Variants in EGFLAM observed in about 807,000 individuals in gnomAD.
EGFLAM encodes pikachurin.
A neutral mutation model predicts 113.1 loss-of-function variants in EGFLAM; 79 were observed. The observed-to-expected ratio is 0.70, with a 90% CI of 0.58 to 0.84. The LOEUF is 0.84. Among genes scored for constraint, EGFLAM ranks in the 40% least tolerant of loss-of-function variants. The probability of loss-of-function intolerance (pLI) is 0.00; values close to 1 mark genes in which losing one functional copy is unlikely to be tolerated. For missense variants in EGFLAM, 1,265 were observed against 1,291.6 expected (o/e 0.98, Z 0.32); for synonymous variants, 504 against 487.6 (o/e 1.03, Z -0.44).
At position 38,450,813 on chromosome 5, in the gene EGFLAM, G is replaced by C; in HGVS notation, c.2544-502G>C. Among the ~76,000 whole-genome samples, 5 of 130,466 alleles carry C rather than the reference G, an allele frequency of 3.8e-5. 1 individual carries two copies. In the South Asian group the frequency reaches 1.0e-3, roughly 27 times the overall value. 85.6% of individuals were successfully genotyped at this position (130,466 alleles called of 152,430 possible). A position where few individuals can be genotyped will look rare whatever the true frequency, so the allele number is the denominator to read the frequency against. On this transcript the variant is annotated intron_variant, in intron 18 of 21. Transcript: ENST00000322350. ...CACCACTCCAGACCATTCACTATCA[G>C]GCCTTGTTCCTTTGTCTGAGACGCC... is the stretch of plus-strand genomic sequence containing the variant.
chr5:38,394,326 G>T (rs1222989115), intron 6 of EGFLAM, among the ~76,000 whole-genome samples: 1 of 151,944 alleles, frequency 6.6e-6, no homozygotes, highest in Non-Finnish European at 1.5e-5. Flanking sequence ...TATCAATAGG[G>T]CCTTGGCAGC....
rs545915687 is a variant in EGFLAM at position 38,402,744 on chromosome 5, G to A, written c.713-3382G>A. Among the ~76,000 whole-genome samples the A allele has an allele frequency of 2.1e-3, 315 of 152,320 alleles. 1 individual carries two copies. Among genetic ancestry groups the A allele is most frequent in the Non-Finnish European group, 3.5e-3 (237 of 68,036 alleles). ...AGCACCCAATAGTACCTGATAAGAA[G>A]AGGAGATGGAGTAGAATTCAATAAA... On this transcript the variant is annotated intron_variant, in intron 6 of 21. Transcript: ENST00000322350.
intron 1 of EGFLAM, among the ~76,000 whole-genome samples, chr5:38,287,291 C>G (rs374207702): frequency 6.6e-6 from 1 of 152,152 alleles, no homozygotes; most frequent in Admixed American, 6.5e-5. Flanking sequence ...TGGTTTATGG[C>G]ATATAATGCT....
intron 1 of EGFLAM, among the ~76,000 whole-genome samples, chr5:38,279,856 G>A (rs1466780250): frequency 6.6e-6 from 1 of 152,026 alleles, no homozygotes; most frequent in East Asian, 1.9e-4. Flanking sequence ...AAAATGCTAA[G>A]AGTAGATGTT....
chr5:38,427,455 C>T (rs895567378), intron 14 of EGFLAM: 31 of 756,162 alleles, frequency 4.1e-5, no homozygotes, highest in Non-Finnish European at 6.2e-5. Flanking sequence ...ACAAGGCTTC[C>T]TTTTCTCAAA....
chr5:38,425,414 G>A (rs187163372), intron 13 of EGFLAM, among the ~76,000 whole-genome samples: 128 of 152,162 alleles, frequency 8.4e-4, no homozygotes, highest in African/African-American at 2.6e-3. Context: ...TGATCCACCC[G>A]CCTCGGCCTC....
intron 12 of EGFLAM, among the ~76,000 whole-genome samples, chr5:38,424,492 C>T (rs984421799): frequency 1.3e-5 from 2 of 152,200 alleles, no homozygotes; most frequent in Non-Finnish European, 2.9e-5. Context: ...CTGGGTAACT[C>T]CTTCTGTGCC....
At chr5:38,314,069 T>C (rs1349111431) in intron 1 of EGFLAM, among the ~76,000 whole-genome samples, 2 of 152,216 alleles carry the variant, frequency 1.3e-5, no homozygotes, top group African/African-American at 2.4e-5. Flanking sequence ...CTGGGGTGAA[T>C]GGGTGTGAAT....
intron 1 of EGFLAM, among the ~76,000 whole-genome samples, chr5:38,297,829 T>A (rs537765535): frequency 3.9e-5 from 6 of 152,266 alleles, no homozygotes; most frequent in African/African-American, 1.4e-4. Context: ...TGAAAACCTC[T>A]CACCAAAGAT....
intron 6 of EGFLAM, among the ~76,000 whole-genome samples, chr5:38,391,120 T>C (rs542673855): frequency 1.2e-4 from 18 of 152,304 alleles, no homozygotes; most frequent in Admixed American, 1.1e-3. Context: ...AAAATTTTGC[T>C]TTTCATATTT....
At chr5:38,410,705 A>G (rs992352577) in intron 10 of EGFLAM, among the ~76,000 whole-genome samples, 1 of 152,140 alleles carries the variant, frequency 6.6e-6, no homozygotes. Flanking sequence ...GATAAAAACA[A>G]GAATAATGCA....
intron 1 of EGFLAM, among the ~76,000 whole-genome samples, chr5:38,295,127 G>T (rs55738332): frequency 6.6e-6 from 1 of 151,976 alleles, no homozygotes; most frequent in Non-Finnish European, 1.5e-5. Context: ...GCGCCTGGCC[G>T]CAACTCATTC....
chr5:38,436,089 T>C (rs1370758015), intron 16 of EGFLAM, among the ~76,000 whole-genome samples: 2 of 152,142 alleles, frequency 1.3e-5, no homozygotes, highest in African/African-American at 2.4e-5. Flanking sequence ...GTGCTGAGAT[T>C]ACAGGCATGA....
At chr5:38,414,012 G>A (rs1205642397) in intron 11 of EGFLAM, among the ~76,000 whole-genome samples, 1 of 152,136 alleles carries the variant, frequency 6.6e-6, no homozygotes, top group Admixed American at 6.5e-5. Context: ...CGCTCACCCC[G>A]CCACTCACCT....
chr5:38,435,806 C>CTTTT (rs60461690), intron 16 of EGFLAM, among the ~76,000 whole-genome samples: 92 of 88,924 alleles, frequency 1.0e-3, no homozygotes, highest in Non-Finnish European at 1.4e-3. Flanking sequence ...CCGGCTCTCT[C>CTTTT]TTTTTTTTTT....
chr5:38,451,228 TC>T, intron 18 of EGFLAM, 86 bp from the exon 19 acceptor site: 1 of 1,542,676 alleles, frequency 6.5e-7, no homozygotes, highest in Non-Finnish European at 8.8e-7. Flanking sequence ...TACATCTGGT[TC>T]CTCAGGGCTG....
At chr5:38,405,412 T>G (rs1741252465) in intron 6 of EGFLAM, among the ~76,000 whole-genome samples, 1 of 151,990 alleles carries the variant, frequency 6.6e-6, no homozygotes, top group Non-Finnish European at 1.5e-5. Flanking sequence ...TGCTGTTGTC[T>G]TTTATATTAA....
chr5:38,419,918 C>T lies in EGFLAM; in HGVS notation c.1684+1663C>T, dbSNP rs150373781. Among the ~76,000 whole-genome samples the T allele has an allele frequency of 1.3e-3, 201 of 152,034 alleles. No individual in the cohort carries two copies. The East Asian group carries it at 0.034, about 25-fold the overall frequency. Reference sequence around the variant, plus strand: ...GGCACACCCATGTAATCCCAGCTACCCAGAAGACTGAGGCAGGAGAATTGC... The same window carrying T: ...GGCACACCCATGTAATCCCAGCTACTCAGAAGACTGAGGCAGGAGAATTGC... On this transcript the variant is annotated intron_variant, in intron 12 of 21. Transcript: ENST00000322350.
chr5:38,270,941 T>C (rs1415980140), intron 1 of EGFLAM, among the ~76,000 whole-genome samples: 1 of 152,208 alleles, frequency 6.6e-6, no homozygotes, highest in African/African-American at 2.4e-5. Flanking sequence ...TTGACATAAA[T>C]GTATAATTGA....
Sources: allele counts gnomAD v4.1 joint callset (sites outside exome capture counted in the v4.1 genomes callset), GRCh38; gene constraint gnomAD v4.1.1; transcripts MANE v1.5; gene names NCBI Gene and HGNC (gene_info 2026-07-23, HGNC 2026-07-21).